The following FSTL5 variants were observed in gnomAD, a reference collection of about 807,000 sequenced individuals.
The protein encoded by FSTL5 is follistatin-related protein 5.
Under a neutral mutation model 89.1 loss-of-function variants are expected in FSTL5, and 62 were observed. That is an observed-to-expected ratio of 0.70 (90% CI 0.57 to 0.86). The LOEUF (loss-of-function observed/expected upper bound fraction) is 0.86. Ranked by LOEUF, FSTL5 falls within the 40% of genes least tolerant of loss-of-function variation. The probability of loss-of-function intolerance (pLI) is 0.00; values close to 1 mark genes in which losing one functional copy is unlikely to be tolerated. For missense variants in FSTL5, 1,057 were observed against 1,001.6 expected, an observed-to-expected ratio of 1.06 and a Z score of -0.75; for synonymous variants, 383 against 346.2, an observed-to-expected ratio of 1.11 and a Z score of -1.18.
intron 8 of FSTL5, among the ~76,000 whole-genome samples, chr4:161,560,157 C>T (rs1732541347): frequency 6.6e-6 from 1 of 151,854 alleles, no homozygotes; most frequent in South Asian, 2.1e-4. Flanking sequence ...AAAGATTGGA[C>T]ACCCCTGCTG....
chr4:162,156,483 G>T lies in FSTL5; in HGVS notation c.-17+7132C>A, dbSNP rs116397969. Among the ~76,000 whole-genome samples the T allele has an allele frequency of 5.5e-3, 840 of 152,204 alleles. 7 individuals are homozygous for T. The highest frequency in any genetic ancestry group is 0.02 in the African/African-American group (812 of 41,530). ...CACCATTCACTATAGCAAAGACATG[G>T]ATTCAACCTAGGTGTTTATCAATGG... On this transcript the variant is annotated intron_variant, in intron 1 of 15. Transcript: ENST00000306100.
intron 7 of FSTL5, among the ~76,000 whole-genome samples, chr4:161,642,714 C>T (rs1011087714): frequency 5.9e-5 from 9 of 152,102 alleles, no homozygotes; most frequent in Non-Finnish European, 1.0e-4. Flanking sequence ...AAGAGAAATA[C>T]TGTATAATTT....
chr4:161,692,818 AGT>A (rs1336523225), intron 6 of FSTL5, among the ~76,000 whole-genome samples: 1 of 151,806 alleles, frequency 6.6e-6, no homozygotes, highest in African/African-American at 2.4e-5. Context: ...CCAACTCCCT[AGT>A]TCAAGTGATT....
chr4:161,770,205 C>A lies in FSTL5; in HGVS notation c.606+5673G>T, dbSNP rs991211369. Among the ~76,000 whole-genome samples the A allele has an allele frequency of 2.6e-4, 39 of 151,864 alleles. 2 individuals carry two copies. Among genetic ancestry groups the A allele is most frequent in the Middle Eastern group, 3.4e-3 (1 of 294 alleles). On this transcript the variant is annotated intron_variant, in intron 5 of 15. Transcript: ENST00000306100. ...GCGATAGAGCATAGAATGGTGATTA[C>A]CACAGGTTGGGAAGGATAGTGGGTG...
At chr4:161,439,839 T>G (rs552433010) in intron 15 of FSTL5, among the ~76,000 whole-genome samples, 1 of 152,270 alleles carries the variant, frequency 6.6e-6, no homozygotes, top group Non-Finnish European at 1.5e-5. Context: ...TATATAGACA[T>G]CAAGTTACAG....
chr4:161,574,726 T>G (rs915595748), intron 8 of FSTL5, among the ~76,000 whole-genome samples: 2 of 152,200 alleles, frequency 1.3e-5, no homozygotes, highest in African/African-American at 4.8e-5. Flanking sequence ...TATTCCATGG[T>G]GTGTATGTGC....
At chr4:161,817,876 G>A (rs939158336) in intron 4 of FSTL5, among the ~76,000 whole-genome samples, 15 of 152,214 alleles carry the variant, frequency 9.9e-5, no homozygotes, top group Admixed American at 2.6e-4. Context: ...AGGGAAGAGC[G>A]TGGTCCCTTT....
intron 5 of FSTL5, among the ~76,000 whole-genome samples, chr4:161,774,287 A>G (rs1741318951): frequency 6.6e-6 from 1 of 152,148 alleles, no homozygotes; most frequent in Non-Finnish European, 1.5e-5. Flanking sequence ...GAAAGAAGCA[A>G]GAAAGGACCC....
At chr4:161,968,462 T>C (rs1735386678) in intron 3 of FSTL5, among the ~76,000 whole-genome samples, 2 of 152,146 alleles carry the variant, frequency 1.3e-5, no homozygotes, top group Admixed American at 1.3e-4. Context: ...TGCATTACTT[T>C]TATATGCAGT....
At chr4:162,116,720 G>A (rs1731656998) in intron 1 of FSTL5, among the ~76,000 whole-genome samples, 1 of 152,216 alleles carries the variant, frequency 6.6e-6, no homozygotes, top group Admixed American at 6.5e-5. Context: ...AGAGGCTGAT[G>A]CAGGAAGGTG....
chr4:161,847,446 T>C (rs966820879), intron 4 of FSTL5, among the ~76,000 whole-genome samples: 4 of 152,264 alleles, frequency 2.6e-5, no homozygotes, highest in East Asian at 3.9e-4. Flanking sequence ...CAAGGTCACA[T>C]ATATATAAAA....
intron 7 of FSTL5, among the ~76,000 whole-genome samples, chr4:161,635,491 TAAA>T (rs34085655): frequency 0.18 from 26,318 of 150,212 alleles, 2,359 homozygotes; most frequent in Middle Eastern, 0.32. Flanking sequence ...TGTTACAAAT[TAAA>T]AAAAAAAAAA....
intron 2 of FSTL5, among the ~76,000 whole-genome samples, chr4:162,079,707 G>A (rs550441617): frequency 1.3e-5 from 2 of 151,434 alleles, no homozygotes; most frequent in South Asian, 4.2e-4. Context: ...ATGAGAATAG[G>A]AGAAGGATTT....
intron 4 of FSTL5, among the ~76,000 whole-genome samples, chr4:161,865,792 A>C (rs1462600145): frequency 1.4e-5 from 1 of 71,024 alleles, no homozygotes; most frequent in African/African-American, 4.3e-5. Flanking sequence ...AATAGCAATA[A>C]AAAAACTTTA....
intron 3 of FSTL5, among the ~76,000 whole-genome samples, chr4:161,983,055 GA>G (rs1487521878): frequency 6.6e-6 from 1 of 152,164 alleles, no homozygotes; most frequent in Non-Finnish European, 1.5e-5. Flanking sequence ...TTTAATCAGA[GA>G]AATCGAGGAA....
chr4:161,822,513 G>T (rs577988891), intron 4 of FSTL5, among the ~76,000 whole-genome samples: 1 of 152,234 alleles, frequency 6.6e-6, no homozygotes, highest in Non-Finnish European at 1.5e-5. Context: ...GCTAGACCAA[G>T]TATACTGCAA....
intron 6 of FSTL5, among the ~76,000 whole-genome samples, chr4:161,704,830 G>C (rs987395578): frequency 2.6e-5 from 4 of 152,120 alleles, no homozygotes; most frequent in Non-Finnish European, 4.4e-5. Context: ...TCTCAGGTTT[G>C]AGACCATCTT....
At chr4:161,654,077 A>G (rs1368702856) in intron 7 of FSTL5, among the ~76,000 whole-genome samples, 1 of 152,118 alleles carries the variant, frequency 6.6e-6, no homozygotes, top group East Asian at 1.9e-4. Flanking sequence ...TCTTATATTT[A>G]TGTATATTTT....
Position 161,824,203 on chromosome 4 carries a change from AG to A in FSTL5, c.410-48130del, listed in dbSNP as rs908634237. Among the ~76,000 whole-genome samples, 7 of 152,164 alleles carry A rather than the reference AG, an allele frequency of 4.6e-5. No homozygotes were observed. In the South Asian group the frequency reaches 6.2e-4, roughly 13 times the overall value. On this transcript the variant is annotated intron_variant, in intron 4 of 15. Coordinates refer to ENST00000306100, the MANE Select transcript of FSTL5 (RefSeq NM_020116.5). ...TGATTTTTATGTAAGGTGACAGATGAGGATCCAGTTTCATTCTTCTACATGT... is the reference window on the plus strand; with the variant it reads ...TGATTTTTATGTAAGGTGACAGATGAGATCCAGTTTCATTCTTCTACATGT...
Sources: allele counts gnomAD v4.1 joint callset (sites outside exome capture counted in the v4.1 genomes callset), GRCh38; gene constraint gnomAD v4.1.1; transcripts MANE v1.5; gene names NCBI Gene and HGNC (gene_info 2026-07-23, HGNC 2026-07-21).